Variants in FHIP1A observed in about 807,000 individuals in gnomAD.
FHIP1A encodes the protein FHF complex subunit HOOK-interacting protein 1A.
FHIP1A carries 61 observed loss-of-function variants against 88.6 expected under a neutral mutation model. The ratio of observed to expected loss-of-function variants is 0.69; its 90% CI spans 0.56 to 0.85. The LOEUF (loss-of-function observed/expected upper bound fraction) is 0.85, where lower values mean the gene tolerates loss of function less well. FHIP1A is among the 40% of genes least tolerant of loss of function. The probability of loss-of-function intolerance (pLI) is 0.00; values close to 1 mark genes in which losing one functional copy is unlikely to be tolerated. For synonymous variants in FHIP1A, 478 were observed against 496.0 expected (o/e 0.96, Z 0.48); for missense variants, 1,154 against 1,273.5 (o/e 0.91, Z 1.43).
chr4:151,642,271 T>G (rs1315171114), intron 9 of FHIP1A, among the ~76,000 whole-genome samples: 2 of 152,270 alleles, frequency 1.3e-5, no homozygotes, highest in African/African-American at 4.8e-5. Flanking sequence ...GCTTAATACA[T>G]TGAATACTAT....
intron 11 of FHIP1A, among the ~76,000 whole-genome samples, chr4:151,654,156 G>T (rs1046509020): frequency 6.6e-6 from 1 of 151,852 alleles, no homozygotes; most frequent in Non-Finnish European, 1.5e-5. Flanking sequence ...ACATGCCCAA[G>T]GAGTGATGAG....
At chr4:151,426,974 A>G (rs1733400592) in intron 1 of FHIP1A, among the ~76,000 whole-genome samples, 1 of 152,174 alleles carries the variant, frequency 6.6e-6, no homozygotes, top group African/African-American at 2.4e-5. Context: ...ATTTTTTTTA[A>G]AGAGCTATTG....
intron 8 of FHIP1A, among the ~76,000 whole-genome samples, chr4:151,630,871 C>T (rs1050474516): frequency 6.6e-5 from 10 of 152,032 alleles, no homozygotes; most frequent in Non-Finnish European, 8.8e-5. Context: ...TTGGGAAATT[C>T]ACAAGTATAT....
Position 151,607,235 on chromosome 4 carries a change from G to T in FHIP1A, c.978+18309G>T, listed in dbSNP as rs563667647. ...CCCTGGACTTAAACAGAAGAGTACC[G>T]TGGAAGCAGAGGGCCAGATGTAACC... is the stretch of plus-strand genomic sequence containing the variant. On this transcript the variant is annotated intron_variant, in intron 7 of 13. Transcript: ENST00000435205. 5.9e-5 allele frequency among the ~76,000 whole-genome samples: 9 copies of T among 152,316 alleles called. No homozygotes were observed. The East Asian group carries it at 9.7e-4, about 16-fold the overall frequency.
At chr4:151,654,995 G>T (rs893167408) in intron 11 of FHIP1A, among the ~76,000 whole-genome samples, 41 of 152,300 alleles carry the variant, frequency 2.7e-4, no homozygotes, top group African/African-American at 9.6e-4. Flanking sequence ...GTGTGGTAAA[G>T]GTTTCGGTTT....
chr4:151,484,717 G>A (rs1730017341), intron 3 of FHIP1A, among the ~76,000 whole-genome samples: 1 of 152,230 alleles, frequency 6.6e-6, no homozygotes, highest in African/African-American at 2.4e-5. Context: ...ATGAAATTTG[G>A]TTGTGTTCTC....
In FHIP1A at chr4:151,588,565, A is replaced by G. The variant is rs369596084; in HGVS notation, c.892-275A>G. ...ATGAATCCTTATACATACTCAGTCT[A>G]TTTATTGTCTTTTTTCCAAATACGC... On this transcript the variant is annotated intron_variant, in intron 6 of 13. Transcript: ENST00000435205. Among the ~76,000 whole-genome samples the G allele has an allele frequency of 6.6e-5, 10 of 152,146 alleles. No homozygotes were observed. The South Asian group carries it at 1.2e-3, about 19-fold the overall frequency.
At chr4:151,480,556 A>G (rs531619661) in intron 2 of FHIP1A, among the ~76,000 whole-genome samples, 4 of 152,124 alleles carry the variant, frequency 2.6e-5, no homozygotes, top group African/African-American at 9.6e-5. Context: ...TGGGATACGG[A>G]AGAAGGAGAA....
intron 7 of FHIP1A, among the ~76,000 whole-genome samples, chr4:151,608,200 A>G (rs1437905291): frequency 6.6e-6 from 1 of 151,176 alleles, no homozygotes; most frequent in Non-Finnish European, 1.5e-5. Context: ...GTATGCCACA[A>G]TGCCCAGTAA....
chr4:151,658,588 A>T (rs1188213750), intron 13 of FHIP1A, among the ~76,000 whole-genome samples: 1 of 152,202 alleles, frequency 6.6e-6, no homozygotes, highest in Non-Finnish European at 1.5e-5. Flanking sequence ...CGTAAGGTCC[A>T]TTCTGCAGCA....
At position 151,649,914 on chromosome 4, in the gene FHIP1A, C is replaced by A. The variant is rs1736949830; in HGVS notation, c.1873C>A (p.Leu625Ile). The change falls in exon 11 of 14, where the codon CTC (leucine) becomes ATC (isoleucine). Residue 625 changes from leucine to isoleucine, a missense_variant. By Grantham distance (5) the Leu-to-Ile change is conservative. Transcript: ENST00000435205. ...CATCCAGGAGATGAAGAAGAATGCC[C>A]TCCTGCTCTTCAAAGGGTCCTACAT... The part of the protein sequence containing the change: ...KHIQEMKKNA[L>I]LLFKGSYIEE... 2 of 1,551,610 alleles carry A rather than the reference C, an allele frequency of 1.3e-6. No homozygotes were observed. Among genetic ancestry groups the A allele is most frequent in the African/African-American group, 2.7e-5 (2 of 73,136 alleles).
chr4:151,636,150 G>C (rs1345713327), intron 8 of FHIP1A, among the ~76,000 whole-genome samples: 1 of 151,934 alleles, frequency 6.6e-6, no homozygotes, highest in Non-Finnish European at 1.5e-5. Context: ...ATCAAACTAG[G>C]ATTGTAAAGC....
intron 1 of FHIP1A, among the ~76,000 whole-genome samples, chr4:151,413,573 A>C (rs1000347342): frequency 2.0e-5 from 3 of 149,872 alleles, no homozygotes; most frequent in South Asian, 2.1e-4. Context: ...TCCTGCCTCA[A>C]CCTCCCGAGT....
chr4:151,544,345 C>T (rs958583971), intron 3 of FHIP1A, among the ~76,000 whole-genome samples: 1 of 152,178 alleles, frequency 6.6e-6, no homozygotes, highest in Non-Finnish European at 1.5e-5. Flanking sequence ...TCTGGCTTCA[C>T]TTACAGTGAG....
intron 1 of FHIP1A, among the ~76,000 whole-genome samples, chr4:151,449,692 T>A (rs1728727712): frequency 6.6e-6 from 1 of 152,094 alleles, no homozygotes; most frequent in Non-Finnish European, 1.5e-5. Flanking sequence ...CCCTCTCCCA[T>A]CCTTTCCCCA....
chr4:151,582,308 A>G lies in FHIP1A; in HGVS notation c.732+4232A>G, dbSNP rs560309664. Among the ~76,000 whole-genome samples the G allele has an allele frequency of 5.3e-5, 8 of 152,246 alleles. No individual in the cohort carries two copies. The East Asian group carries it at 1.5e-3, about 29-fold the overall frequency. On this transcript the variant is annotated intron_variant, in intron 5 of 13. Coordinates refer to ENST00000435205, the MANE Select transcript of FHIP1A (RefSeq NM_001109977.3). ...TAACCAGATATCATTAGATGTTTAAAGTTAAACATTACTCATTCACTGCTC... is the reference window on the plus strand; with the variant it reads ...TAACCAGATATCATTAGATGTTTAAGGTTAAACATTACTCATTCACTGCTC...
At chr4:151,490,216 C>T (rs1007969708) in intron 3 of FHIP1A, among the ~76,000 whole-genome samples, 5 of 152,144 alleles carry the variant, frequency 3.3e-5, no homozygotes, top group Non-Finnish European at 5.9e-5. Flanking sequence ...AACCAGTGCA[C>T]TAAACAAAAC....
intron 1 of FHIP1A, among the ~76,000 whole-genome samples, chr4:151,426,202 A>G (rs1215422357): frequency 1.3e-5 from 2 of 152,166 alleles, no homozygotes; most frequent in Non-Finnish European, 2.9e-5. Context: ...AGTTCATTGT[A>G]TGGGTCTCTC....
In FHIP1A at chr4:151,418,741, T is replaced by C. The variant is rs115551925; in HGVS notation, c.-356+9276T>C. ...AGTTCCTGCTGGATAGGTCTATGTT[T>C]AGATCCTGACATCAAAGTAAACCAT... On this transcript the variant is annotated intron_variant, in intron 1 of 13. Coordinates refer to ENST00000435205, the MANE Select transcript of FHIP1A (RefSeq NM_001109977.3). Among the ~76,000 whole-genome samples the C allele has an allele frequency of 9.2e-3, 1,407 of 152,332 alleles. 18 individuals carry two copies. Among genetic ancestry groups the C allele is most frequent in the African/African-American group, 0.032 (1,315 of 41,568 alleles).
Sources: gnomAD v4.1 joint callset for allele counts (sites outside exome capture counted in the v4.1 genomes callset) on GRCh38, gnomAD v4.1.1 for gene constraint, MANE v1.5 for transcripts, NCBI Gene and HGNC (gene_info 2026-07-23, HGNC 2026-07-21) for gene names.